UGT1A9: variants seen among roughly 807,000 people sequenced by gnomAD.
The protein encoded by UGT1A9 is UDP glucuronosyltransferase family 1 member A9.
Under a neutral mutation model 45.0 loss-of-function variants are expected in UGT1A9, and 35 were observed. The observed-to-expected ratio is 0.78, with a 90% confidence interval of 0.59 to 1.03. UGT1A9 has a LOEUF of 1.03. Ranked by LOEUF, UGT1A9 falls within the 50% of genes least tolerant of loss-of-function variation. UGT1A9 has a pLI of 0.00. For synonymous variants in UGT1A9, 278 were observed against 250.6 expected, an observed-to-expected ratio of 1.11 and a Z score of -1.03; for missense variants, 687 against 666.6, an observed-to-expected ratio of 1.03 and a Z score of -0.34.
chr2:233,675,426 G>A (rs1247129134), intron 1 of UGT1A9, among the ~76,000 whole-genome samples: 1 of 152,180 alleles, frequency 6.6e-6, no homozygotes, highest in South Asian at 2.1e-4. Context: ...ATTAATGACT[G>A]GTTTTAGGTG....
rs28898588 is a variant in UGT1A9, at chr2:233,707,117, T to G, written c.855+34328T>G. On this transcript the variant is annotated intron_variant, in intron 1 of 4. Transcript: ENST00000354728. ...CAGCTGAGGGACCCCCAAAATACTC[T>G]GCATTAGGCTTTCTATCCCGGAGGT... 8.8e-3 allele frequency among the ~76,000 whole-genome samples: 1,342 copies of G among 152,244 alleles called. 24 individuals are homozygous for G. The highest frequency in any genetic ancestry group is 0.031 in the African/African-American group (1,274 of 41,546).
intron 1 of UGT1A9, among the ~76,000 whole-genome samples, chr2:233,733,067 T>A (rs1039618890): frequency 3.2e-4 from 48 of 152,298 alleles, no homozygotes; most frequent in Non-Finnish European, 4.6e-4. Flanking sequence ...ATTCTCTTTG[T>A]AGCAATTGTG....
At chr2:233,735,560 T>C (rs1442054621) in intron 1 of UGT1A9, among the ~76,000 whole-genome samples, 1 of 152,236 alleles carries the variant, frequency 6.6e-6, no homozygotes, top group African/African-American at 2.4e-5. Flanking sequence ...ATTATGGTGT[T>C]ATCGGGTTAT....
intron 1 of UGT1A9, chr2:233,713,871 G>A: frequency 5.0e-6 from 8 of 1,613,804 alleles, no homozygotes; most frequent in Non-Finnish European, 6.8e-6. Flanking sequence ...CTGTATTGGT[G>A]CCTTTATCCA....
chr2:233,713,979 T>C, intron 1 of UGT1A9: 1 of 1,594,106 alleles, frequency 6.3e-7, no homozygotes, highest in South Asian at 1.1e-5. Context: ...CTGCTTCTCA[T>C]TGTTGTAATA....
chr2:233,678,135 A>G (rs1350743843), intron 1 of UGT1A9, among the ~76,000 whole-genome samples: 1 of 152,216 alleles, frequency 6.6e-6, no homozygotes, highest in Non-Finnish European at 1.5e-5. Flanking sequence ...TTGGGCATAA[A>G]GATGGCAACA....
In UGT1A9 at chr2:233,748,004, T is replaced by C. The variant is rs554173710; in HGVS notation, c.856-19030T>C. On this transcript the variant is annotated intron_variant, in intron 1 of 4. Coordinates refer to ENST00000354728, the MANE Select transcript of UGT1A9 (RefSeq NM_021027.3). ...TGTTCCGAGGGGACTTTGTGATGGATTACCCCAGGCCGATCATGCCCAACA... is the reference window on the plus strand; with the variant it reads ...TGTTCCGAGGGGACTTTGTGATGGACTACCCCAGGCCGATCATGCCCAACA... 1,894 of 1,613,440 alleles carry C rather than the reference T, an allele frequency of 1.2e-3. 7 individuals are homozygous for C. Among genetic ancestry groups the C allele is most frequent in the Non-Finnish European group, 1.4e-3 (1,636 of 1,179,848 alleles).
At chr2:233,748,000 T>C in intron 1 of UGT1A9, 1 of 1,613,538 alleles carries the variant, frequency 6.2e-7, no homozygotes, top group East Asian at 2.2e-5. Context: ...GACTTTGTGA[T>C]GGATTACCCC....
At chr2:233,684,966 G>T (rs543778082) in intron 1 of UGT1A9, among the ~76,000 whole-genome samples, 1 of 152,138 alleles carries the variant, frequency 6.6e-6, no homozygotes, top group Non-Finnish European at 1.5e-5. Flanking sequence ...TGAAAAGAAA[G>T]CATTGCTTGA....
intron 1 of UGT1A9, chr2:233,682,337 G>A (rs753738317): frequency 6.8e-6 from 11 of 1,613,990 alleles, no homozygotes; most frequent in Middle Eastern, 1.6e-4. Flanking sequence ...CCGAAAATTA[G>A]TAGAATACTT....
chr2:233,715,021 C>T (rs12477216), intron 1 of UGT1A9, among the ~76,000 whole-genome samples: 15,421 of 152,076 alleles, frequency 0.1, 899 homozygotes, highest in East Asian at 0.2. Context: ...GAACTACAGG[C>T]GCATGGCACC....
chr2:233,767,930 C>A lies in UGT1A9; in HGVS notation c.1069C>A (p.Leu357Met). The change falls in exon 3 of 5, where the codon CTG (leucine) becomes ATG (methionine). Residue 357 changes from leucine to methionine, a missense_variant. By Grantham distance (15) the Leu-to-Met change is conservative (BLOSUM62 2). Coordinates refer to ENST00000354728, the MANE Select transcript of UGT1A9 (RefSeq NM_021027.3). ...ILVKWLPQND[L>M]LGHPMTRAFI... ...TGTTAAGTGGCTACCCCAAAACGAT[C>A]TGCTTGGTATGTTGGGCGGATTGGA... The A allele has an allele frequency of 6.2e-7, 1 of 1,614,200 alleles. No individual in the cohort carries two copies. The highest frequency in any genetic ancestry group is 8.5e-7 in the Non-Finnish European group (1 of 1,180,054).
chr2:233,747,429 A>G, intron 1 of UGT1A9: 8 of 1,608,684 alleles, frequency 5.0e-6, no homozygotes, highest in Non-Finnish European at 6.8e-6. Context: ...CAAACAAGAG[A>G]AATTTTTCAC....
chr2:233,681,970 C>G (rs7577677), intron 1 of UGT1A9: 6 of 1,613,842 alleles, frequency 3.7e-6, no homozygotes, highest in Middle Eastern at 3.3e-4. Context: ...GCCTCCTTCC[C>G]CTATATGTGT....
chr2:233,761,981 G>A (rs1697924435), intron 1 of UGT1A9, among the ~76,000 whole-genome samples: 1 of 152,178 alleles, frequency 6.6e-6, no homozygotes, highest in African/African-American at 2.4e-5. Context: ...CACCTTCGGA[G>A]GTGACCTTAT....
At position 233,682,282 on chromosome 2, in the gene UGT1A9, T is replaced by C. The variant is rs749237049; in HGVS notation, c.855+9493T>C. The C allele has an allele frequency of 3.1e-6, 5 of 1,614,194 alleles. No homozygotes were observed. The Admixed American group carries it at 5.0e-5, about 16-fold the overall frequency. ...CTCTATTAACAAGTTCATCCAATGG[T>C]ATTTTTGACTTATTTTTTTCAAATT... is the stretch of plus-strand genomic sequence containing the variant. On this transcript the variant is annotated intron_variant, in intron 1 of 4. Transcript: ENST00000354728.
At chr2:233,752,004 G>A (rs558992613) in intron 1 of UGT1A9, among the ~76,000 whole-genome samples, 1 of 152,302 alleles carries the variant, frequency 6.6e-6, no homozygotes, top group Admixed American at 6.5e-5. Context: ...GAAAGTTGAT[G>A]AGAAAGTGGA....
intron 1 of UGT1A9, among the ~76,000 whole-genome samples, chr2:233,685,926 G>T (rs745922812): frequency 1.3e-5 from 2 of 152,052 alleles, no homozygotes; most frequent in Non-Finnish European, 2.9e-5. Flanking sequence ...AATTTATCCT[G>T]ATTGTCTCAA....
chr2:233,692,881 G>C, intron 1 of UGT1A9: 1 of 1,505,500 alleles, frequency 6.6e-7, no homozygotes, highest in South Asian at 1.4e-5. Flanking sequence ...GTAAAATTCA[G>C]AGCAAGGGAG....
Sources: gnomAD v4.1 joint callset for allele counts (sites outside exome capture counted in the v4.1 genomes callset) on GRCh38, gnomAD v4.1.1 for gene constraint, MANE v1.5 for transcripts, NCBI Gene and HGNC (gene_info 2026-07-23, HGNC 2026-07-21) for gene names.